C12orf57: variants seen among roughly 807,000 people sequenced by gnomAD.
C12orf57 encodes protein C10.
A neutral mutation model predicts 11.3 loss-of-function variants in C12orf57; 14 were observed. The ratio of observed to expected loss-of-function variants is 1.24; its 90% CI spans 0.82 to 1.94. C12orf57 has a LOEUF of 1.94. Ranked by LOEUF, C12orf57 falls within the 30% of genes most tolerant of loss-of-function variation. The pLI is 0.00. For missense variants in C12orf57, 229 were observed against 172.4 expected (o/e 1.33, Z -1.84); for synonymous variants, 100 against 74.6 (o/e 1.34, Z -1.76).
At chr12:6,943,532 C>A, upstream of C12orf57, 1 of 1,287,364 alleles carries the variant, frequency 7.8e-7, no homozygotes, top group Non-Finnish European at 1.0e-6. Context: ...GCCTTTACTG[C>A]CGAATCCAGG....
chr12:6,943,949 G>T (rs782166951), upstream of C12orf57: 255 of 1,474,798 alleles, frequency 1.7e-4, 16 homozygotes, highest in South Asian at 3.1e-3. Context: ...TGGTGGTCTT[G>T]ATGCAGTTGT....
At position 6,944,522 on chromosome 12, in the gene C12orf57, A is replaced by G. The variant is rs373481275; in HGVS notation, c.99A>G (p.Ala33=). Reference sequence around the variant, plus strand: ...AGGCGTTCTCCGCCCCGGAGAATGCAGTGCGCATGGACGAGGCTCGGGATA... The same window carrying G: ...AGGCGTTCTCCGCCCCGGAGAATGCGGTGCGCATGGACGAGGCTCGGGATA... ...VIQAFSAPEN[A]VRMDEARDNA... is the part of the protein sequence containing the mutation. The change falls in exon 2 of 3, where the codon GCA becomes GCG. Residue 33 remains alanine (A), a synonymous_variant. Coordinates refer to ENST00000229281, the MANE Select transcript of C12orf57 (RefSeq NM_138425.4). 3.2e-5 allele frequency: 52 copies of G among 1,613,820 alleles called. No homozygotes were observed. In the African/African-American group the frequency reaches 6.8e-4, roughly 21 times the overall value.
In C12orf57 at chr12:6,945,880, A is replaced by G. The variant is rs1591677551; in HGVS notation, c.339A>G (p.Pro113=). The G allele has an allele frequency of 6.2e-7, 1 of 1,613,386 alleles. No homozygotes were observed. The highest frequency in any genetic ancestry group is 1.1e-5 in the South Asian group (1 of 90,962). ...TGTTTCTGCCGCCCATGACCCTGCC[A>G]CCCCATGGGCCTGCTGCTGGTGGCA... is the stretch of plus-strand genomic sequence containing the variant. The part of the protein sequence containing the change: ...KALFLPPMTL[P]PHGPAAGGSV... Residue 113 remains proline, a synonymous_variant, in exon 3 of 3, where the codon CCA becomes CCG. Transcript: ENST00000229281.
At chr12:6,943,841 G>T (rs921380928), upstream of C12orf57, 4 of 885,578 alleles carry the variant, frequency 4.5e-6, no homozygotes, top group Non-Finnish European at 4.8e-6. Context: ...TTTAGAATTT[G>T]TCTAGTAGGC....
At position 6,944,186 on chromosome 12, in the gene C12orf57, CTAGTCAAGGCATAGGCTGCTGGCCTGGGG is replaced by C. The variant is rs781901992; in HGVS notation, c.52+26_52+54del. ...GAGCAAGCAAAGGGTGAGAATCGTC[CTAGTCAAGGCATAGGCTGCTGGCCTGGGG>C]TAGTCAAGGCATGGGCTGCTGGTCT... On this transcript the variant is annotated intron_variant, in intron 1 of 2. Coordinates refer to ENST00000229281, the MANE Select transcript of C12orf57 (RefSeq NM_138425.4). 0.014 allele frequency: 22,270 copies of C among 1,613,066 alleles called. 172 individuals are homozygous for C. The highest frequency in any genetic ancestry group is 0.016 in the Non-Finnish European group (18,350 of 1,178,994).
intron 2 of C12orf57, chr12:6,945,103 A>C: frequency 7.5e-6 from 2 of 268,016 alleles, no homozygotes; most frequent in Non-Finnish European, 7.0e-6. Context: ...ACCCCCCACT[A>C]TGAAGTCAGG....
At chr12:6,944,336 G>C in intron 1 of C12orf57, 140 bp from the exon 2 acceptor site, 1 of 1,562,892 alleles carries the variant, frequency 6.4e-7, no homozygotes, top group Non-Finnish European at 8.7e-7. Context: ...TTCTAAGTGG[G>C]GCGCTTGCCC....
intron 2 of C12orf57, 38 bp from the exon 3 acceptor site, chr12:6,945,733 C>G: frequency 6.2e-7 from 1 of 1,608,466 alleles, no homozygotes; most frequent in South Asian, 1.1e-5. Context: ...GCACGCTGGT[C>G]CTTAGGAGAA....
In C12orf57 at chr12:6,944,232, T is replaced by C. The variant is rs1268856130; in HGVS notation, c.52+59T>C. The stretch of plus-strand genomic sequence containing the variant: ...GGCCTGGGGTAGTCAAGGCATGGGC[T>C]GCTGGTCTGGGGAGGATGCGGGCGG... On this transcript the variant is annotated intron_variant, in intron 1 of 2. Coordinates refer to ENST00000229281, the MANE Select transcript of C12orf57 (RefSeq NM_138425.4). 13 of 1,612,992 alleles carry C rather than the reference T, an allele frequency of 8.1e-6. No homozygotes were observed. In the South Asian group the frequency reaches 9.9e-5, roughly 12 times the overall value.
At chr12:6,943,832 TTAGAA>T (rs1945692922), upstream of C12orf57, 1 of 871,660 alleles carries the variant, frequency 1.1e-6, no homozygotes, top group Non-Finnish European at 1.6e-6. Context: ...TACAGCTCTT[TTAGAA>T]TTTGTCTAGT....
chr12:6,944,321 C>T (rs1033033624), intron 1 of C12orf57, 148 bp downstream of exon 1: 9 of 1,571,792 alleles, frequency 5.7e-6, no homozygotes, highest in African/African-American at 4.1e-5. Flanking sequence ...CGCCGGGTAC[C>T]GTCCTTCTAA....
At chr12:6,943,876 C>G (rs780348551), upstream of C12orf57, 38 of 982,274 alleles carry the variant, frequency 3.9e-5, no homozygotes, top group Non-Finnish European at 5.0e-5. Flanking sequence ...CCGGAAAGCC[C>G]CTCTTATGAT....
upstream of C12orf57, chr12:6,943,465 C>T: frequency 2.4e-6 from 3 of 1,235,626 alleles, no homozygotes; most frequent in Non-Finnish European, 3.1e-6. Flanking sequence ...CATTAGGCTC[C>T]ATCGCTCATC....
rs1555146472 is a variant in C12orf57, at chr12:6,945,750, A to G, written c.230-21A>G. On this transcript the variant is annotated intron_variant, in intron 2 of 2. Coordinates refer to ENST00000229281, the MANE Select transcript of C12orf57 (RefSeq NM_138425.4). The stretch of plus-strand genomic sequence containing the variant: ...ACGCTGGTCCTTAGGAGAAGGGTTG[A>G]CCTTCCACTCCCTCTTGCAGGTGTC... The G allele has an allele frequency of 1.9e-6, 3 of 1,612,078 alleles. No homozygotes were observed. In the South Asian group the frequency reaches 3.3e-5, roughly 18 times the overall value.
At position 6,944,491 on chromosome 12, in the gene C12orf57, T is replaced by G. The variant is rs1945742390; in HGVS notation, c.68T>G (p.Val23Gly). 2 of 1,612,412 alleles carry G rather than the reference T, an allele frequency of 1.2e-6. No individual in the cohort carries two copies. Among genetic ancestry groups the G allele is most frequent in the Non-Finnish European group, 1.7e-6 (2 of 1,179,860 alleles). ...AEQAKVVLAE[V>G]IQAFSAPENA... is the part of the protein sequence containing the mutation. ...TGGCGCGCAGTGGTCCTCGCGGAGG[T>G]GATCCAGGCGTTCTCCGCCCCGGAG... Residue 23 changes from valine to glycine, a missense_variant, in exon 2 of 3, where the codon GTG becomes GGG. Val to Gly is a moderately radical substitution (Grantham distance 109, BLOSUM62 -3). Coordinates refer to ENST00000229281, the MANE Select transcript of C12orf57 (RefSeq NM_138425.4).
chr12:6,943,936 T>G (rs782644110), upstream of C12orf57: 7 of 1,390,662 alleles, frequency 5.0e-6, no homozygotes, highest in African/African-American at 1.5e-5. Flanking sequence ...TTATGGGTAG[T>G]TTTGGTGGTC....
chr12:6,943,946 C>A, upstream of C12orf57: 2 of 1,461,678 alleles, frequency 1.4e-6, no homozygotes, highest in Non-Finnish European at 1.8e-6. Flanking sequence ...TTTTGGTGGT[C>A]TTGATGCAGT....
upstream of C12orf57, chr12:6,943,485 G>C: frequency 7.9e-7 from 1 of 1,268,336 alleles, no homozygotes; most frequent in South Asian, 1.3e-5. Flanking sequence ...CAATAGACAA[G>C]GCCTTTAGGA....
At chr12:6,943,932 G>A (rs922370463), upstream of C12orf57, 22 of 1,349,126 alleles carry the variant, frequency 1.6e-5, no homozygotes, top group East Asian at 4.9e-5. Flanking sequence ...AAAATTATGG[G>A]TAGTTTTGGT....
Sources: gnomAD v4.1 joint callset for allele counts on GRCh38, gnomAD v4.1.1 for gene constraint, MANE v1.5 for transcripts, NCBI Gene and HGNC (gene_info 2026-07-23, HGNC 2026-07-21) for gene names.